The following KLF12 variants were observed in gnomAD, a reference collection of about 807,000 sequenced individuals.
The protein encoded by KLF12 is KLF transcription factor 12, also known as Krueppel-like factor 12.
A neutral mutation model predicts 37.8 loss-of-function variants in KLF12; 9 were observed. That is an observed-to-expected ratio of 0.24 (90% confidence interval 0.14 to 0.42). The LOEUF is 0.42. KLF12 is among the 10% of genes least tolerant of loss of function. The probability of loss-of-function intolerance (pLI) is 1.00; values close to 1 mark genes in which losing one functional copy is unlikely to be tolerated. For missense variants in KLF12, 411 were observed against 516.0 expected (o/e 0.80, Z 1.97); for synonymous variants, 208 against 202.1 (o/e 1.03, Z -0.25).
intron 1 of KLF12, among the ~76,000 whole-genome samples, chr13:74,004,718 G>C (rs1265647790): frequency 1.3e-5 from 2 of 152,092 alleles, no homozygotes; most frequent in African/African-American, 2.4e-5. Context: ...TTCCAAATCT[G>C]AGATTATTTG....
At chr13:74,108,025 A>G (rs1366069767) in intron 1 of KLF12, among the ~76,000 whole-genome samples, 1 of 152,202 alleles carries the variant, frequency 6.6e-6, no homozygotes, top group Non-Finnish European at 1.5e-5. Flanking sequence ...TAAGTTTTCA[A>G]TGTACTATTA....
At chr13:73,743,348 T>C (rs2137907018) in intron 6 of KLF12, among the ~76,000 whole-genome samples, 1 of 152,320 alleles carries the variant, frequency 6.6e-6, no homozygotes, top group Non-Finnish European at 1.5e-5. Flanking sequence ...TTTTACAGAA[T>C]ATTGACAGAG....
chr13:73,841,017 C>A (rs1884705506), intron 4 of KLF12, among the ~76,000 whole-genome samples: 1 of 152,180 alleles, frequency 6.6e-6, no homozygotes. Flanking sequence ...AAAGCTGTGC[C>A]CCTCTCCCAT....
chr13:74,282,635 A>G, the KLF12 span, among the ~76,000 whole-genome samples: 4 of 152,214 alleles, frequency 2.6e-5, no homozygotes, highest in Non-Finnish European at 5.9e-5. Context: ...GTGACTGCAC[A>G]ACAGCATGTG....
Position 74,117,668 on chromosome 13 carries a change from T to C in KLF12, c.-32+16071A>G, listed in dbSNP as rs1038073406. On this transcript the variant is annotated intron_variant, in intron 1 of 7. Transcript: ENST00000377669. ...AAGGTTAAGATCATCAGTGGTATCT[T>C]GTGGATATCATGATATGATACAATG... 1.5e-4 allele frequency among the ~76,000 whole-genome samples: 23 copies of C among 152,196 alleles called. 1 individual carries two copies. Among genetic ancestry groups the C allele is most frequent in the Admixed American group, 3.3e-4 (5 of 15,280 alleles).
At chr13:74,188,228 A>T in the KLF12 span, among the ~76,000 whole-genome samples, 406 of 152,312 alleles carry the variant, frequency 2.7e-3, 5 homozygotes, top group African/African-American at 8.9e-3. Flanking sequence ...TATCCATGCC[A>T]TAATTTAGTA....
chr13:73,974,881 T>C (rs2138134831), intron 2 of KLF12, among the ~76,000 whole-genome samples: 1 of 152,338 alleles, frequency 6.6e-6, no homozygotes. Flanking sequence ...TTGCTGTTTG[T>C]TTAGTAGATA....
intron 3 of KLF12, among the ~76,000 whole-genome samples, chr13:73,852,163 G>T (rs1885367324): frequency 6.6e-6 from 1 of 152,086 alleles, no homozygotes. Flanking sequence ...TGTCTTGCAT[G>T]AGCCCCCATG....
the KLF12 span, among the ~76,000 whole-genome samples, chr13:74,179,631 A>G: frequency 6.6e-6 from 1 of 152,210 alleles, no homozygotes; most frequent in Non-Finnish European, 1.5e-5. Flanking sequence ...TATTGATGCC[A>G]CAGTTCTGCC....
At chr13:74,015,013 A>ATGAT (rs1342349998) in intron 1 of KLF12, among the ~76,000 whole-genome samples, 1 of 152,204 alleles carries the variant, frequency 6.6e-6, no homozygotes, top group Non-Finnish European at 1.5e-5. Context: ...ACAGTTTATT[A>ATGAT]CCTTTTCATG....
At chr13:73,788,710 G>T (rs1364970382) in intron 5 of KLF12, among the ~76,000 whole-genome samples, 1 of 150,328 alleles carries the variant, frequency 6.7e-6, no homozygotes, top group Non-Finnish European at 1.5e-5. Context: ...TTTCATTTTT[G>T]TTTCAGAACA....
chr13:74,265,054 T>A, the KLF12 span, among the ~76,000 whole-genome samples: 1 of 152,228 alleles, frequency 6.6e-6, no homozygotes, highest in Admixed American at 6.5e-5. Context: ...ATAACATGAA[T>A]CTCATCTACT....
chr13:73,958,638 T>C (rs1363529369), intron 2 of KLF12, among the ~76,000 whole-genome samples: 2 of 152,156 alleles, frequency 1.3e-5, no homozygotes, highest in African/African-American at 4.8e-5. Flanking sequence ...CATATGTGGA[T>C]TGTATTCTAT....
At chr13:74,047,724 T>C (rs962434023) in intron 1 of KLF12, among the ~76,000 whole-genome samples, 2 of 151,932 alleles carry the variant, frequency 1.3e-5, no homozygotes, top group East Asian at 1.9e-4. Flanking sequence ...AAGAAGTGAA[T>C]AGAGAGAGTA....
chr13:73,775,560 C>T (rs538350352), intron 5 of KLF12, among the ~76,000 whole-genome samples: 1 of 152,204 alleles, frequency 6.6e-6, no homozygotes, highest in South Asian at 2.1e-4. Context: ...TATTATTTTT[C>T]AGTGTTCAGT....
intron 1 of KLF12, among the ~76,000 whole-genome samples, chr13:74,105,592 A>T (rs1876609264): frequency 1.3e-5 from 2 of 152,088 alleles, no homozygotes; most frequent in African/African-American, 4.8e-5. Context: ...TCTTTGTTAA[A>T]AGTGTAAATT....
chr13:73,835,155 C>T (rs1458356252), intron 4 of KLF12, among the ~76,000 whole-genome samples: 1 of 150,922 alleles, frequency 6.6e-6, no homozygotes, highest in Non-Finnish European at 1.5e-5. Context: ...ACTTAGGTCT[C>T]GAATTCAGGT....
At chr13:74,098,505 A>G (rs1876113257) in intron 1 of KLF12, among the ~76,000 whole-genome samples, 1 of 152,216 alleles carries the variant, frequency 6.6e-6, no homozygotes, top group South Asian at 2.1e-4. Context: ...CTATGATCTA[A>G]TGAAGGTCAC....
chr13:74,090,669 G>A (rs978460987), intron 1 of KLF12, among the ~76,000 whole-genome samples: 9 of 151,968 alleles, frequency 5.9e-5, no homozygotes, highest in African/African-American at 1.9e-4. Flanking sequence ...TATCTCTTGA[G>A]GTCTGTCGCC....
Sources: allele counts gnomAD v4.1 joint callset (sites outside exome capture counted in the v4.1 genomes callset), GRCh38; gene constraint gnomAD v4.1.1; transcripts MANE v1.5; gene names NCBI Gene and HGNC (gene_info 2026-07-23, HGNC 2026-07-21).